COL11A1: variants seen among roughly 807,000 people sequenced by gnomAD.
The protein encoded by COL11A1 is collagen alpha-1(XI) chain.
A neutral mutation model predicts 265.2 loss-of-function variants in COL11A1; 74 were observed. That is an observed-to-expected ratio of 0.28 (90% CI 0.23 to 0.34). COL11A1 has a LOEUF of 0.34. COL11A1 is among the 10% of genes least tolerant of loss of function. The probability of loss-of-function intolerance (pLI) is 1.00; values close to 1 mark genes in which losing one functional copy is unlikely to be tolerated. For missense variants in COL11A1, 2,165 were observed against 2,263.6 expected (o/e 0.96, Z 0.88); for synonymous variants, 816 against 727.6 (o/e 1.12, Z -1.96).
chr1:102,899,117 A>T, intron 54 of COL11A1, 123 bp from the exon 55 acceptor site: 3 of 433,896 alleles, frequency 6.9e-6, no homozygotes, highest in Non-Finnish European at 1.2e-5. Context: ...TTCTATCACT[A>T]TTTGGTTTAA....
chr1:102,998,443 T>G, intron 24 of COL11A1, 80 bp from the exon 25 acceptor site: 356 of 890,080 alleles, frequency 4.0e-4, no homozygotes, highest in Middle Eastern at 7.2e-4. Flanking sequence ...ATGAATGAAA[T>G]TCTTATCCTG....
Position 102,878,156 on chromosome 1 carries a change from C to G in COL11A1, c.5284G>C (p.Gly1762Arg), listed in dbSNP as rs766529064. 6.2e-7 allele frequency: 1 copy of G among 1,610,762 alleles called. No individual in the cohort carries two copies. Among genetic ancestry groups the G allele is most frequent in the Non-Finnish European group, 8.5e-7 (1 of 1,177,986 alleles). The stretch of plus-strand genomic sequence containing the variant: ...ATTTCAATGACAGTCTTTTCATAGC[C>G]TTTTCTGGACTGTAAAATAAAGCAG... ...TLYDGCASRK[G>R]YEKTVIEINT... The change falls in exon 67 of 67, where the codon GGC (glycine) becomes CGC (arginine). Residue 1762 changes from glycine (G) to arginine (R), a missense_variant. Gly to Arg is a moderately radical substitution (Grantham distance 125, BLOSUM62 -2). Coordinates refer to ENST00000370096, the MANE Select transcript of COL11A1 (RefSeq NM_001854.4).
At chr1:102,984,004 C>T (rs1225275741) in intron 31 of COL11A1, 134 bp downstream of exon 31, 1 of 668,140 alleles carries the variant, frequency 1.5e-6, no homozygotes, top group Non-Finnish European at 2.5e-6. Flanking sequence ...TCCACACACT[C>T]TATGATTTTC....
At chr1:103,056,126 G>T (rs2102167835) in intron 4 of COL11A1, among the ~76,000 whole-genome samples, 1 of 152,284 alleles carries the variant, frequency 6.6e-6, no homozygotes, top group East Asian at 1.9e-4. Flanking sequence ...CAGTAGCTGA[G>T]CAGAACAACT....
intron 2 of COL11A1, among the ~76,000 whole-genome samples, chr1:103,079,335 G>A (rs192136927): frequency 6.6e-6 from 1 of 152,158 alleles, no homozygotes; most frequent in East Asian, 1.9e-4. Context: ...AAGAGTTTTC[G>A]ATTAGTTCTT....
At chr1:102,878,220 C>T in intron 66 of COL11A1, 55 bp from the exon 67 acceptor site, 1 of 1,502,326 alleles carries the variant, frequency 6.7e-7, no homozygotes, top group Non-Finnish European at 9.1e-7. Context: ...TTTTTAAATG[C>T]ATCTTATTTT....
At chr1:103,040,460 T>C (rs1041028551) in intron 4 of COL11A1, among the ~76,000 whole-genome samples, 1 of 151,668 alleles carries the variant, frequency 6.6e-6, no homozygotes, top group South Asian at 2.1e-4. Flanking sequence ...GTTTAGTTCC[T>C]TGTTGATTTA....
At chr1:102,884,668 T>TGGCAGCCCACTGCACTTGTG (rs1480167290) in intron 63 of COL11A1, 3 of 152,272 alleles carry the variant, frequency 2.0e-5, no homozygotes, top group Admixed American at 6.6e-5. Context: ...TCCCAAGTGC[T>TGGCAGCCCACTGCACTTGTG]GGCAGCCCAC....
At chr1:103,019,904 C>G (rs1291125159) in intron 9 of COL11A1, among the ~76,000 whole-genome samples, 1 of 149,552 alleles carries the variant, frequency 6.7e-6, no homozygotes, top group Non-Finnish European at 1.5e-5. Context: ...CATGTCCCTA[C>G]AAAGGACATG....
At chr1:103,018,183 TAAAATTAGATCTCA>T (rs1666716886) in intron 10 of COL11A1, among the ~76,000 whole-genome samples, 1 of 152,154 alleles carries the variant, frequency 6.6e-6, no homozygotes, top group Non-Finnish European at 1.5e-5. Flanking sequence ...GGAACACTCA[TAAAATTAGATCTCA>T]AAAATTTGAT....
intron 4 of COL11A1, among the ~76,000 whole-genome samples, chr1:103,041,358 A>T (rs536223873): frequency 6.6e-6 from 1 of 151,520 alleles, no homozygotes; most frequent in African/African-American, 2.4e-5. Context: ...CTTTTTACAT[A>T]TCAATTTTTA....
In COL11A1 at chr1:103,083,178, C is replaced by T. The variant is rs114694485; in HGVS notation, c.107-206G>A. 8.1e-3 allele frequency among the ~76,000 whole-genome samples: 1,230 copies of T among 151,644 alleles called. 6 individuals are homozygous for T. Among genetic ancestry groups the T allele is most frequent in the South Asian group, 0.018 (88 of 4,810 alleles). Reference sequence around the variant, plus strand: ...AACAACATTCTCAAATTCAAAATATCTCAAATCTGGAATCAAATTATGGTT... The same window carrying T: ...AACAACATTCTCAAATTCAAAATATTTCAAATCTGGAATCAAATTATGGTT... On this transcript the variant is annotated intron_variant, in intron 1 of 66. Transcript: ENST00000370096.
At chr1:103,038,567 G>T (rs1298947409) in intron 4 of COL11A1, among the ~76,000 whole-genome samples, 1 of 152,120 alleles carries the variant, frequency 6.6e-6, no homozygotes, top group African/African-American at 2.4e-5. Context: ...TGAGGGTAAA[G>T]AGTAGATATT....
intron 46 of COL11A1, among the ~76,000 whole-genome samples, chr1:102,931,708 T>C (rs1423339972): frequency 2.0e-5 from 3 of 152,064 alleles, no homozygotes; most frequent in Admixed American, 6.5e-5. Flanking sequence ...AAGTCTCCCA[T>C]TATTAATGTG....
At chr1:103,098,583 A>G (rs1673978820) in intron 1 of COL11A1, among the ~76,000 whole-genome samples, 1 of 151,900 alleles carries the variant, frequency 6.6e-6, no homozygotes, top group South Asian at 2.1e-4. Flanking sequence ...CATTCAAAAA[A>G]TATTTACTGG....
At chr1:102,934,355 A>C (rs563780425) in intron 46 of COL11A1, 94 bp downstream of exon 46, 2 of 908,156 alleles carry the variant, frequency 2.2e-6, no homozygotes, top group Non-Finnish European at 3.6e-6. Flanking sequence ...CTTACGTAGA[A>C]AAAAAGAAAA....
intron 1 of COL11A1, among the ~76,000 whole-genome samples, chr1:103,083,979 A>G (rs957063480): frequency 6.6e-6 from 1 of 152,180 alleles, no homozygotes; most frequent in Non-Finnish European, 1.5e-5. Flanking sequence ...AGTGTGACCC[A>G]TTTGTATAAA....
At chr1:103,054,800 A>G (rs1271577241) in intron 4 of COL11A1, among the ~76,000 whole-genome samples, 1 of 152,116 alleles carries the variant, frequency 6.6e-6, no homozygotes, top group African/African-American at 2.4e-5. Context: ...ACTCTGGACT[A>G]TGAGGCAGGA....
intron 26 of COL11A1, among the ~76,000 whole-genome samples, 186 bp from the exon 27 acceptor site, chr1:102,996,228 G>C (rs1275749329): frequency 6.6e-6 from 1 of 151,810 alleles, no homozygotes; most frequent in Non-Finnish European, 1.5e-5. Flanking sequence ...CATGTAACTA[G>C]CACTACTCAC....
Sources: gnomAD v4.1 joint callset for allele counts (sites outside exome capture counted in the v4.1 genomes callset) on GRCh38, gnomAD v4.1.1 for gene constraint, MANE v1.5 for transcripts, NCBI Gene and HGNC (gene_info 2026-07-23, HGNC 2026-07-21) for gene names.